PLEKHA5: variants seen among roughly 807,000 people sequenced by gnomAD.
PLEKHA5 encodes pleckstrin homology domain-containing family A member 5.
In PLEKHA5, 55 loss-of-function variants were observed where a neutral mutation model predicts 181.9. The observed-to-expected ratio is 0.30, with a 90% CI of 0.24 to 0.38. PLEKHA5 has a LOEUF of 0.38. PLEKHA5 is among the 10% of genes least tolerant of loss of function. The probability of loss-of-function intolerance (pLI) is 1.00; values close to 1 mark genes in which losing one functional copy is unlikely to be tolerated. For synonymous variants in PLEKHA5, 535 were observed against 529.4 expected, an observed-to-expected ratio of 1.01 and a Z score of -0.15; for missense variants, 1,432 against 1,549.5, an observed-to-expected ratio of 0.92 and a Z score of 1.27.
At chr12:19,175,908 A>C (rs184295054) in intron 3 of PLEKHA5, among the ~76,000 whole-genome samples, 155 of 152,200 alleles carry the variant, frequency 1.0e-3, no homozygotes, top group Admixed American at 2.7e-3. Context: ...TTCACAATCA[A>C]TAGGATTCTG....
At chr12:19,311,963 G>T (rs2086704283) in intron 15 of PLEKHA5, among the ~76,000 whole-genome samples, 2 of 152,138 alleles carry the variant, frequency 1.3e-5, no homozygotes, top group Admixed American at 6.5e-5. Flanking sequence ...GTAATTGAAA[G>T]TTGAAATGAC....
chr12:19,308,389 C>T (rs1166851109), intron 15 of PLEKHA5, among the ~76,000 whole-genome samples: 1 of 152,060 alleles, frequency 6.6e-6, no homozygotes, highest in Non-Finnish European at 1.5e-5. Context: ...ATTGATATTA[C>T]CTATTTACAT....
At chr12:19,316,917 G>A (rs763374962) in intron 16 of PLEKHA5, among the ~76,000 whole-genome samples, 2 of 152,046 alleles carry the variant, frequency 1.3e-5, no homozygotes, top group African/African-American at 4.8e-5. Flanking sequence ...TTGATATTTA[G>A]CTAGAAATAC....
intron 26 of PLEKHA5, among the ~76,000 whole-genome samples, chr12:19,356,809 C>T (rs1262230886): frequency 4.0e-5 from 6 of 150,976 alleles, no homozygotes; most frequent in South Asian, 2.1e-4. Flanking sequence ...TACAGGCGCC[C>T]GCCATCATGC....
chr12:19,191,094 T>A (rs2051012257), intron 3 of PLEKHA5, among the ~76,000 whole-genome samples: 1 of 152,202 alleles, frequency 6.6e-6, no homozygotes, highest in Non-Finnish European at 1.5e-5. Flanking sequence ...CTGTCCACTT[T>A]ATATAATACT....
chr12:19,240,416 T>C (rs2062287431), intron 3 of PLEKHA5, among the ~76,000 whole-genome samples: 1 of 150,906 alleles, frequency 6.6e-6, no homozygotes, highest in Non-Finnish European at 1.5e-5. Flanking sequence ...CAATAAAATA[T>C]TACAAATTAG....
At chr12:19,245,600 C>T (rs1054772325) in intron 3 of PLEKHA5, among the ~76,000 whole-genome samples, 33 of 151,536 alleles carry the variant, frequency 2.2e-4, no homozygotes, top group African/African-American at 6.1e-4. Context: ...TGGTGGCAGG[C>T]GCCTGTAATC....
rs1413035091 is a variant in PLEKHA5 at position 19,318,845 on chromosome 12, CTGGAGGCAGAGGTTGCAATGAGCCGAGA to C, written c.2119-1174_2119-1147del. Among the ~76,000 whole-genome samples the C allele has an allele frequency of 4.6e-5, 7 of 152,212 alleles. No homozygotes were observed. The East Asian group carries it at 1.4e-3, about 29-fold the overall frequency. ...CTGAGGCAAAAGAATCACTTGAACCCTGGAGGCAGAGGTTGCAATGAGCCGAGATCGCACCACTGCACTCCAGGCTGGG... is the reference window on the plus strand; with the variant it reads ...CTGAGGCAAAAGAATCACTTGAACCCTCGCACCACTGCACTCCAGGCTGGG... On this transcript the variant is annotated intron_variant, in intron 16 of 31. Coordinates refer to ENST00000429027, the MANE Select transcript of PLEKHA5 (RefSeq NM_001256470.2).
chr12:19,297,941 C>T (rs1361282025), intron 15 of PLEKHA5, among the ~76,000 whole-genome samples: 1 of 151,990 alleles, frequency 6.6e-6, no homozygotes, highest in South Asian at 2.1e-4. Context: ...CACAGTGGCT[C>T]ACGCCTGTAA....
intron 3 of PLEKHA5, among the ~76,000 whole-genome samples, chr12:19,231,792 T>A (rs1256983558): frequency 6.6e-6 from 1 of 151,870 alleles, no homozygotes; most frequent in African/African-American, 2.4e-5. Flanking sequence ...ATCAGTAAAT[T>A]TAAGTTTTTA....
At position 19,353,772 on chromosome 12, in the gene PLEKHA5, T is replaced by C. The variant is rs1208257754; in HGVS notation, c.3020-112T>C. ...CCGCGCCAGGCCAGCCTGACTCTTT[T>C]TAAATAAATTTGCTTTCTGATTTTA... On this transcript the variant is annotated intron_variant, in intron 25 of 31. Coordinates refer to ENST00000429027, the MANE Select transcript of PLEKHA5 (RefSeq NM_001256470.2). 8 of 688,696 alleles carry C rather than the reference T, an allele frequency of 1.2e-5. No homozygotes were observed. In the South Asian group the frequency reaches 1.2e-4, roughly 11 times the overall value. The allele number at this position is 688,696 out of a possible 1,614,324, so 42.7% of individuals were successfully genotyped here.
chr12:19,374,949 C>T (rs2095678525), intron 31 of PLEKHA5, among the ~76,000 whole-genome samples: 1 of 151,372 alleles, frequency 6.6e-6, no homozygotes, highest in Admixed American at 6.6e-5. Flanking sequence ...AGCAAGACTC[C>T]GTCTCCAAAA....
chr12:19,143,953 T>G lies in PLEKHA5; in HGVS notation c.227+11503T>G, dbSNP rs2038171309. 2.6e-5 allele frequency among the ~76,000 whole-genome samples: 4 copies of G among 152,302 alleles called. No individual in the cohort carries two copies. In the South Asian group the frequency reaches 8.3e-4, roughly 32 times the overall value. On this transcript the variant is annotated intron_variant, in intron 3 of 31. Coordinates refer to ENST00000429027, the MANE Select transcript of PLEKHA5 (RefSeq NM_001256470.2). ...CTCTTGTATGCATGTCTGTTTTTTG[T>G]AGAATTGGAATTGAGAAAATACATG...
intron 24 of PLEKHA5, 77 bp downstream of exon 24, chr12:19,347,259 C>CA (rs1194959110): frequency 1.2e-6 from 1 of 867,684 alleles, no homozygotes; most frequent in Non-Finnish European, 1.7e-6. Flanking sequence ...ATTTTACACT[C>CA]AAACTTTTTT....
At position 19,361,723 on chromosome 12, in the gene PLEKHA5, G is replaced by A. The variant is rs192056011; in HGVS notation, c.3608+17G>A. 16 of 1,584,800 alleles carry A rather than the reference G, an allele frequency of 1.0e-5. No individual in the cohort carries two copies. Among genetic ancestry groups the A allele is most frequent in the Middle Eastern group, 1.7e-4 (1 of 6,026 alleles). ...TACATTCAGGTAATATTTAAGAAAA[G>A]CAAAGGAATCATTCACAAAACTGTG... On this transcript the variant is annotated intron_variant, in intron 29 of 31. Transcript: ENST00000429027.
At chr12:19,188,900 C>T (rs1443835491) in intron 3 of PLEKHA5, among the ~76,000 whole-genome samples, 1 of 152,120 alleles carries the variant, frequency 6.6e-6, no homozygotes, top group Non-Finnish European at 1.5e-5. Context: ...CCAATGTTTA[C>T]TGAGCTTTTA....
At position 19,320,614 on chromosome 12, in the gene PLEKHA5, T is replaced by C; in HGVS notation, c.2207T>C (p.Val736Ala). 1 of 1,427,750 alleles carries C rather than the reference T, an allele frequency of 7.0e-7. No homozygotes were observed. The highest frequency in any genetic ancestry group is 2.3e-5 in the East Asian group (1 of 43,428). 88.4% of individuals were successfully genotyped at this position (1,427,750 alleles called of 1,614,324 possible). ...TTATACAAATACAGACCTGAAGAAGTAGATATTGATGTAAGTATTAGTATG... is the reference window on the plus strand; with the variant it reads ...TTATACAAATACAGACCTGAAGAAGCAGATATTGATGTAAGTATTAGTATG... ...GTLYKYRPEEVDIDAKLSRLC... is the reference protein window; with the variant it reads ...GTLYKYRPEEADIDAKLSRLC... The change falls in exon 18 of 32, where the codon GTA becomes GCA. Residue 736 changes from valine to alanine, a missense_variant. Coordinates refer to ENST00000429027, the MANE Select transcript of PLEKHA5 (RefSeq NM_001256470.2).
intron 29 of PLEKHA5, among the ~76,000 whole-genome samples, chr12:19,364,811 G>A (rs1444903420): frequency 6.6e-6 from 1 of 151,772 alleles, no homozygotes; most frequent in Non-Finnish European, 1.5e-5. Context: ...GTTTATAGGC[G>A]CCTGCCACTG....
intron 3 of PLEKHA5, chr12:19,151,390 ATAAAGT>A (rs1364178519): frequency 6.6e-6 from 1 of 152,192 alleles, no homozygotes; most frequent in Non-Finnish European, 1.5e-5. Context: ...GGAATTGGAG[ATAAAGT>A]TAATTTGGGC....
Sources: gnomAD v4.1 joint callset for allele counts (sites outside exome capture counted in the v4.1 genomes callset) on GRCh38, gnomAD v4.1.1 for gene constraint, MANE v1.5 for transcripts, NCBI Gene and HGNC (gene_info 2026-07-23, HGNC 2026-07-21) for gene names.